CRAMP1: variants seen among roughly 807,000 people sequenced by gnomAD.
CRAMP1 encodes protein cramped-like.
In CRAMP1, 50 loss-of-function variants were observed where a neutral mutation model predicts 115.4. The observed-to-expected ratio is 0.43, with a 90% CI of 0.35 to 0.55. The LOEUF (loss-of-function observed/expected upper bound fraction) is 0.55. Among genes scored for constraint, CRAMP1 ranks in the 20% least tolerant of loss-of-function variants. The probability of loss-of-function intolerance (pLI) is 0.01; values close to 1 mark genes in which losing one functional copy is unlikely to be tolerated. For synonymous variants in CRAMP1, 866 were observed against 745.4 expected, an observed-to-expected ratio of 1.16 and a Z score of -2.64; for missense variants, 1,679 against 1,721.7, an observed-to-expected ratio of 0.98 and a Z score of 0.44.
rs914025427 is a variant in CRAMP1 at position 1,671,043 on chromosome 16, C to T, written c.3645+234C>T. On this transcript the variant is annotated intron_variant, in intron 20 of 20. Transcript: ENST00000397412. This position sits in a 1 kb window ranked among gnomAD's most constrained non-coding sequence, Gnocchi z 5.0. ...CAGACTTAGTCATAGCTGAGCTCTG[C>T]AGGCCTCTGAACTGGAAACCCTGGT... 6.6e-6 allele frequency among the ~76,000 whole-genome samples: 1 copy of T among 152,198 alleles called. No individual in the cohort carries two copies. Among genetic ancestry groups the T allele is most frequent in the African/African-American group, 2.4e-5 (1 of 41,444 alleles).
intron 10 of CRAMP1, among the ~76,000 whole-genome samples, chr16:1,657,235 G>A (rs536169917): frequency 3.3e-5 from 5 of 152,328 alleles, no homozygotes; most frequent in African/African-American, 1.2e-4. Flanking sequence ...AGGGATCCTC[G>A]GGCACTTGAT....
At chr16:1,665,311 G>GGCGAGGCAGCTAGTCCA (rs1378307245) in intron 14 of CRAMP1, among the ~76,000 whole-genome samples, 173 bp downstream of exon 14, 1 of 152,296 alleles carries the variant, frequency 6.6e-6, no homozygotes, top group African/African-American at 2.4e-5. Context: ...TGCGGTGGCG[G>GGCGAGGCAGCTAGTCCA]GCGAGGCAGC....
chr16:1,662,511 C>T lies in CRAMP1; in HGVS notation c.2435C>T (p.Pro812Leu). The change falls in exon 12 of 21, where the codon CCC becomes CTC. Residue 812 changes from proline to leucine, a missense_variant. This residue lies in a region of CRAMP1 where 709 missense variants were observed against 741.9 expected (regional missense o/e 0.96). Transcript: ENST00000397412. ...CCAGGTTTGAGAAACCCTCCAAGAC[C>T]CCTCTTGGTGCCTGGTCCCTCCAGC... ...CSSGLRNPPR[P>L]LLVPGPSSTG... 4 of 1,613,862 alleles carry T rather than the reference C, an allele frequency of 2.5e-6. No individual in the cohort carries two copies. Among genetic ancestry groups the T allele is most frequent in the Non-Finnish European group, 8.5e-7 (1 of 1,179,798 alleles).
chr16:1,675,948 C>G lies in CRAMP1; in HGVS notation c.*1903C>G, dbSNP rs114382010. 1 of 152,332 alleles carries G rather than the reference C, an allele frequency of 6.6e-6. No individual in the cohort carries two copies. Among genetic ancestry groups the G allele is most frequent in the African/African-American group, 2.4e-5 (1 of 41,560 alleles). The allele number at this position is 152,332 out of a possible 1,614,324, so 9.4% of individuals were successfully genotyped here. On this transcript the variant is annotated 3_prime_UTR_variant, in exon 21 of 21. Transcript: ENST00000397412. ...TAGCATCTCATTGAGCCAGAGAAGA[C>G]AAGGAGATCTCCCTCTGGGCATCTG...
In CRAMP1 at chr16:1,637,421, G is replaced by A. The variant is rs866308007; in HGVS notation, c.695-403G>A. ...CCGGGCTATGCAGATCCACTGTCCT[G>A]GGAGGGCACAGGTGAGGCAGGAAGG... On this transcript the variant is annotated intron_variant, in intron 4 of 20. Coordinates refer to ENST00000397412, the MANE Select transcript of CRAMP1 (RefSeq NM_020825.4). 3.3e-5 allele frequency among the ~76,000 whole-genome samples: 5 copies of A among 152,196 alleles called. No individual in the cohort carries two copies. The South Asian group carries it at 1.0e-3, about 31-fold the overall frequency.
intron 6 of CRAMP1, among the ~76,000 whole-genome samples, chr16:1,650,104 T>C (rs1181223634): frequency 1.3e-5 from 2 of 152,198 alleles, no homozygotes; most frequent in African/African-American, 2.4e-5. Flanking sequence ...TGTTTGGCCC[T>C]AAACACTTGA....
chr16:1,653,686 T>C (rs1321998130), intron 8 of CRAMP1, among the ~76,000 whole-genome samples: 2 of 146,698 alleles, frequency 1.4e-5, no homozygotes, highest in Non-Finnish European at 3.0e-5. Context: ...AAAAAAAAGG[T>C]GGCAGGCGCC....
chr16:1,615,096 CCT>C, intron 2 of CRAMP1, 111 bp downstream of exon 2: 1 of 579,498 alleles, frequency 1.7e-6, no homozygotes, highest in Non-Finnish European at 2.5e-6. Flanking sequence ...CATCCCGCGG[CCT>C]ACACTGAGGC....
chr16:1,662,931 G>A, intron 13 of CRAMP1, 96 bp downstream of exon 13: 3 of 987,642 alleles, frequency 3.0e-6, no homozygotes, highest in Non-Finnish European at 4.6e-6. Flanking sequence ...GGTGTAAAAT[G>A]TGGGAAATTC....
At chr16:1,652,715 G>A in intron 7 of CRAMP1, 134 bp downstream of exon 7, 1 of 795,510 alleles carries the variant, frequency 1.3e-6, no homozygotes, top group Non-Finnish European at 2.0e-6. Flanking sequence ...GGCTGCACAT[G>A]GACCACTCTT....
At chr16:1,640,111 T>A (rs2036620028) in intron 5 of CRAMP1, among the ~76,000 whole-genome samples, 1 of 152,232 alleles carries the variant, frequency 6.6e-6, no homozygotes, top group Admixed American at 6.5e-5. Context: ...TGCTTTTCAT[T>A]CCTTCCTGAA....
Position 1,669,493 on chromosome 16 carries a change from C to T in CRAMP1, c.3499+328C>T, listed in dbSNP as rs143004895. Among the ~76,000 whole-genome samples the T allele has an allele frequency of 7.0e-4, 106 of 152,292 alleles. No homozygotes were observed. The highest frequency in any genetic ancestry group is 2.2e-3 in the African/African-American group (91 of 41,560). ...TCTGTTCAGCTAGCCCGGCCCCTCC[C>T]GACTGGGTTCTCTTGAGGGGAGAAA... is the stretch of plus-strand genomic sequence containing the variant. On this transcript the variant is annotated intron_variant, in intron 19 of 20. Transcript: ENST00000397412. This position sits in a 1 kb window ranked among gnomAD's most constrained non-coding sequence, Gnocchi z 4.6.
chr16:1,667,713 ACT>A (rs986335751), intron 17 of CRAMP1, among the ~76,000 whole-genome samples: 1 of 151,286 alleles, frequency 6.6e-6, no homozygotes, highest in Non-Finnish European at 1.5e-5. Flanking sequence ...CCCAGCCCCC[ACT>A]CTCTTTCTGG....
rs1182700574 is a variant in CRAMP1, at chr16:1,649,767, C to T, written c.828-2729C>T. On this transcript the variant is annotated intron_variant, in intron 6 of 20. Transcript: ENST00000397412. Reference sequence around the variant, plus strand: ...GCCTCCCAAAGAGCTGAGCCTACAACAGTAGGCATGAGCCACTATTTTTTT... The same window carrying T: ...GCCTCCCAAAGAGCTGAGCCTACAATAGTAGGCATGAGCCACTATTTTTTT... 5.5e-5 allele frequency among the ~76,000 whole-genome samples: 8 copies of T among 145,594 alleles called. No homozygotes were observed. In the East Asian group the frequency reaches 8.2e-4, roughly 15 times the overall value.
chr16:1,651,911 G>A (rs2036727473), intron 6 of CRAMP1, among the ~76,000 whole-genome samples: 1 of 151,304 alleles, frequency 6.6e-6, no homozygotes, highest in Non-Finnish European at 1.5e-5. Flanking sequence ...GGAGGTCACG[G>A]GGAGGTGAAC....
intron 6 of CRAMP1, among the ~76,000 whole-genome samples, chr16:1,642,318 A>T (rs1354824491): frequency 5.9e-5 from 9 of 152,216 alleles, no homozygotes; most frequent in Non-Finnish European, 1.3e-4. Context: ...CTGCTGGGCC[A>T]GCACAGGCCT....
chr16:1,623,239 G>C (rs2036480716), intron 2 of CRAMP1, among the ~76,000 whole-genome samples: 1 of 152,250 alleles, frequency 6.6e-6, no homozygotes, highest in Non-Finnish European at 1.5e-5. Flanking sequence ...ACCCAGCCTT[G>C]GGCTGCTGGG....
rs2036927497 is a variant in CRAMP1, at chr16:1,672,069, G to A, written c.3645+1260G>A. On this transcript the variant is annotated intron_variant, in intron 20 of 20. Coordinates refer to ENST00000397412, the MANE Select transcript of CRAMP1 (RefSeq NM_020825.4). This position sits in a 1 kb window ranked among gnomAD's most constrained non-coding sequence, Gnocchi z 4.9. Reference sequence around the variant, plus strand: ...CCTAAGTGCTGGGCTCTGTGGAGATGGGCGCTGCGTACGTGCCCTGAGGCA... The same window carrying A: ...CCTAAGTGCTGGGCTCTGTGGAGATAGGCGCTGCGTACGTGCCCTGAGGCA... 1.3e-5 allele frequency among the ~76,000 whole-genome samples: 2 copies of A among 152,190 alleles called. No individual in the cohort carries two copies. Among genetic ancestry groups the A allele is most frequent in the Non-Finnish European group, 2.9e-5 (2 of 68,032 alleles).
At chr16:1,644,154 C>A (rs1049846926) in intron 6 of CRAMP1, among the ~76,000 whole-genome samples, 1 of 152,168 alleles carries the variant, frequency 6.6e-6, no homozygotes, top group East Asian at 1.9e-4. Context: ...GAGGCCGCAG[C>A]GAGAGTGGGA....
Sources: gnomAD v4.1 joint callset for allele counts (sites outside exome capture counted in the v4.1 genomes callset) on GRCh38, gnomAD v4.1.1 for gene constraint, gnomAD v4.1.1 regional missense constraint, Gnocchi (gnomAD v3.1) non-coding constraint, MANE v1.5 for transcripts, NCBI Gene and HGNC (gene_info 2026-07-23, HGNC 2026-07-21) for gene names.